Variants in LRRIQ1 observed in about 807,000 individuals in gnomAD.
The protein encoded by LRRIQ1 is leucine-rich repeat- and IQ domain-containing protein 1.
In LRRIQ1, 210 loss-of-function variants were observed where a neutral mutation model predicts 211.9. That is an observed-to-expected ratio of 0.99 (90% CI 0.89 to 1.11). The LOEUF (loss-of-function observed/expected upper bound fraction) is 1.11, where lower values mean the gene tolerates loss of function less well. Ranked by LOEUF, LRRIQ1 falls within the 50% of genes most tolerant of loss-of-function variation. LRRIQ1 has a pLI of 0.00. For missense variants in LRRIQ1, 2,136 were observed against 1,939.5 expected, an observed-to-expected ratio of 1.10 and a Z score of -1.90; for synonymous variants, 699 against 650.1, an observed-to-expected ratio of 1.08 and a Z score of -1.14.
intron 11 of LRRIQ1, among the ~76,000 whole-genome samples, chr12:85,096,672 T>G (rs775813514): frequency 4.6e-5 from 7 of 152,156 alleles, no homozygotes; most frequent in Non-Finnish European, 7.4e-5. Context: ...ACCTATTAGT[T>G]CCAGTTGCTC....
chr12:85,062,635 T>G (rs1004574286), intron 8 of LRRIQ1, among the ~76,000 whole-genome samples: 3 of 151,640 alleles, frequency 2.0e-5, no homozygotes, highest in Non-Finnish European at 4.4e-5. Flanking sequence ...ATGTCTTTGG[T>G]ATTGTGAATG....
intron 24 of LRRIQ1, among the ~76,000 whole-genome samples, chr12:85,220,958 C>T (rs968560925): frequency 6.6e-6 from 1 of 151,786 alleles, no homozygotes; most frequent in Non-Finnish European, 1.5e-5. Flanking sequence ...TACAGGCGTG[C>T]AATACCACAC....
intron 13 of LRRIQ1, among the ~76,000 whole-genome samples, chr12:85,101,667 A>G (rs190424603): frequency 3.9e-5 from 6 of 151,926 alleles, no homozygotes; most frequent in African/African-American, 1.2e-4. Flanking sequence ...TTAAGTTTCT[A>G]CCATCCTAAT....
chr12:85,270,977 T>A, the LRRIQ1 span, among the ~76,000 whole-genome samples: 1 of 152,176 alleles, frequency 6.6e-6, no homozygotes, highest in South Asian at 2.1e-4. Context: ...CCAAACTTGC[T>A]TATCTGTATA....
chr12:85,085,232 C>T (rs376929278), intron 11 of LRRIQ1, among the ~76,000 whole-genome samples: 17 of 152,184 alleles, frequency 1.1e-4, no homozygotes, highest in East Asian at 3.9e-4. Flanking sequence ...TTCGCAGTTC[C>T]GCACAGCTGG....
chr12:85,056,940 A>G lies in LRRIQ1; in HGVS notation c.2147A>G (p.His716Arg), dbSNP rs1288707967. ...SEIRNISEKC[H>R]ENAPEPDSMT... ...ATTAGAAATATTTCAGAAAAATGCC[A>G]TGAAAATGCACCTGAACCTGATAGC... Residue 716 changes from histidine to arginine, a missense_variant, in exon 8 of 27, where the codon CAT becomes CGT. His to Arg is a conservative substitution (Grantham distance 29). Coordinates refer to ENST00000393217, the MANE Select transcript of LRRIQ1 (RefSeq NM_001079910.2). 5.0e-6 allele frequency: 8 copies of G among 1,612,880 alleles called. No individual in the cohort carries two copies. Among genetic ancestry groups the G allele is most frequent in the East Asian group, 4.5e-5 (2 of 44,864 alleles).
At chr12:85,070,938 A>G (rs1014769464) in intron 10 of LRRIQ1, among the ~76,000 whole-genome samples, 4 of 151,986 alleles carry the variant, frequency 2.6e-5, no homozygotes, top group Non-Finnish European at 5.9e-5. Context: ...CCAAACAGAT[A>G]TGATTAAAAT....
At chr12:85,040,445 GA>G in intron 2 of LRRIQ1, 44 bp from the exon 3 acceptor site, 3 of 1,201,226 alleles carry the variant, frequency 2.5e-6, no homozygotes, top group Non-Finnish European at 3.5e-6. Context: ...ACATAATTTT[GA>G]TAATAAACAC....
At chr12:85,212,801 AAG>A (rs751993805) in intron 24 of LRRIQ1, among the ~76,000 whole-genome samples, 3 of 149,194 alleles carry the variant, frequency 2.0e-5, no homozygotes, top group Non-Finnish European at 3.0e-5. Context: ...GAGAGAGAGA[AAG>A]AGAGAGAGAA....
chr12:85,156,879 T>C (rs1890578721), intron 23 of LRRIQ1, among the ~76,000 whole-genome samples: 2 of 151,846 alleles, frequency 1.3e-5, no homozygotes, highest in Non-Finnish European at 2.9e-5. Context: ...AATTATGGCC[T>C]ACAATCTAAC....
chr12:85,232,814 TG>T, intron 26 of LRRIQ1, 58 bp downstream of exon 26: 1 of 1,168,186 alleles, frequency 8.6e-7, no homozygotes, highest in Non-Finnish European at 1.3e-6. Flanking sequence ...CTCAAATAAA[TG>T]GCACTTTAAG....
chr12:85,097,297 A>G (rs867928677), intron 11 of LRRIQ1, among the ~76,000 whole-genome samples: 1 of 152,156 alleles, frequency 6.6e-6, no homozygotes, highest in Non-Finnish European at 1.5e-5. Flanking sequence ...CTGAAGGGGA[A>G]ACAAAGCACC....
intron 24 of LRRIQ1, among the ~76,000 whole-genome samples, chr12:85,221,392 G>A (rs911711100): frequency 1.3e-5 from 2 of 152,042 alleles, no homozygotes; most frequent in Non-Finnish European, 2.9e-5. Context: ...AGATTATATT[G>A]TATTAGACTG....
chr12:85,060,722 C>T (rs1273407116), intron 8 of LRRIQ1, among the ~76,000 whole-genome samples: 1 of 151,614 alleles, frequency 6.6e-6, no homozygotes, highest in Non-Finnish European at 1.5e-5. Context: ...TGAGATTGGA[C>T]CACTGAATAA....
chr12:85,198,825 C>T (rs929036770), intron 24 of LRRIQ1, among the ~76,000 whole-genome samples: 2 of 152,120 alleles, frequency 1.3e-5, no homozygotes, highest in Admixed American at 6.6e-5. Context: ...GCCTTGGCCT[C>T]CCAAAGTGCT....
intron 5 of LRRIQ1, 110 bp downstream of exon 5, chr12:85,046,247 A>G (rs1879566825): frequency 8.0e-6 from 5 of 628,284 alleles, no homozygotes; most frequent in Non-Finnish European, 1.1e-5. Context: ...AAAAGCAATT[A>G]CAATGTTTGA....
intron 24 of LRRIQ1, among the ~76,000 whole-genome samples, chr12:85,168,047 G>C (rs1394988121): frequency 6.6e-6 from 1 of 152,158 alleles, no homozygotes; most frequent in Admixed American, 6.5e-5. Flanking sequence ...CTTAGTACAA[G>C]TGTATACATG....
At chr12:85,047,533 A>G in intron 6 of LRRIQ1, 63 bp downstream of exon 6, 2 of 1,374,170 alleles carry the variant, frequency 1.5e-6, no homozygotes, top group Non-Finnish European at 2.0e-6. Flanking sequence ...GAATATTGAT[A>G]TTTGGATTGT....
Position 85,056,869 on chromosome 12 carries a change from A to G in LRRIQ1, c.2076A>G (p.Ala692=), listed in dbSNP as rs982874320. The change falls in exon 8 of 27, where the codon GCA becomes GCG. Residue 692 remains alanine (A), a synonymous_variant. Transcript: ENST00000393217. The stretch of plus-strand genomic sequence containing the variant: ...GTGAGGGCTTGAGTAACTATAATGC[A>G]GAAAGCTCCATGGTATCTAAAGAAG... ...APCEGLSNYN[A]ESSMVSKEVN... 1.2e-6 allele frequency: 2 copies of G among 1,613,508 alleles called. No homozygotes were observed. The highest frequency in any genetic ancestry group is 1.7e-6 in the Non-Finnish European group (2 of 1,179,610).
Sources: gnomAD v4.1 joint callset for allele counts (sites outside exome capture counted in the v4.1 genomes callset) on GRCh38, gnomAD v4.1.1 for gene constraint, MANE v1.5 for transcripts, NCBI Gene and HGNC (gene_info 2026-07-23, HGNC 2026-07-21) for gene names.